PLB1: variants seen among roughly 807,000 people sequenced by gnomAD.
The protein encoded by PLB1 is phospholipase B1, membrane-associated.
Under a neutral mutation model 227.4 loss-of-function variants are expected in PLB1, and 242 were observed. The ratio of observed to expected loss-of-function variants is 1.06; its 90% CI spans 0.96 to 1.18. The LOEUF is 1.18. Ranked by LOEUF, PLB1 falls within the 50% of genes most tolerant of loss-of-function variation. The pLI is 0.00. For missense variants in PLB1, 1,858 were observed against 1,816.3 expected (o/e 1.02, Z -0.42); for synonymous variants, 757 against 682.2 (o/e 1.11, Z -1.71).
chr2:28,573,286 G>A lies in PLB1; in HGVS notation c.1414G>A (p.Val472Met), dbSNP rs746082464. ...TCCTAATGCCTTCTTAAACCAGGCT[G>A]TGGCAGGAGGCCGAGCTGAGTAAGC... ...TSPNAFLNQAVAGGRAEDLPV... is the reference protein window; with the variant it reads ...TSPNAFLNQAMAGGRAEDLPV... The change falls in exon 21 of 58, where the codon GTG becomes ATG. Residue 472 changes from valine to methionine, a missense_variant. Coordinates refer to ENST00000327757, the MANE Select transcript of PLB1 (RefSeq NM_153021.5). 4 of 1,613,640 alleles carry A rather than the reference G, an allele frequency of 2.5e-6. No individual in the cohort carries two copies. Among genetic ancestry groups the A allele is most frequent in the Admixed American group, 1.7e-5 (1 of 60,010 alleles).
intron 12 of PLB1, among the ~76,000 whole-genome samples, chr2:28,541,182 A>T (rs141186858): frequency 8.3e-5 from 3 of 36,044 alleles, no homozygotes; most frequent in Non-Finnish European, 2.3e-4. Flanking sequence ...AAAAATAAAT[A>T]AATTAAATAA....
chr2:28,590,063 C>T lies in PLB1; in HGVS notation c.2075C>T (p.Thr692Ile). The change falls in exon 29 of 58, where the codon ACA (threonine) becomes ATA (isoleucine). Residue 692 changes from threonine to isoleucine, a missense_variant. By Grantham distance (89) the Thr-to-Ile change is moderately conservative. Coordinates refer to ENST00000327757, the MANE Select transcript of PLB1 (RefSeq NM_153021.5). ...AAGTTTGAAAACAAGATCAATATCA[C>T]ATGTCCGAACCAGGTAGAGTGGAAA... ...RHKFENKINI[T>I]CPNQVQPFLR... 1 of 1,612,550 alleles carries T rather than the reference C, an allele frequency of 6.2e-7. No homozygotes were observed. The highest frequency in any genetic ancestry group is 8.5e-7 in the Non-Finnish European group (1 of 1,178,544).
At position 28,507,347 on chromosome 2, in the gene PLB1, C is replaced by T. The variant is rs1246416107; in HGVS notation, c.56-9461C>T. Among the ~76,000 whole-genome samples the T allele has an allele frequency of 2.6e-5, 4 of 152,118 alleles. No homozygotes were observed. In the East Asian group the frequency reaches 5.8e-4, roughly 22 times the overall value. ...TCATGGTTCTGGAGGCTGGGAAGTA[C>T]AAGATTGAGGGGCTGGCATCTGGTG... On this transcript the variant is annotated intron_variant, in intron 1 of 57. Transcript: ENST00000327757.
At chr2:28,562,686 C>A (rs1676256510) in intron 17 of PLB1, among the ~76,000 whole-genome samples, 2 of 151,954 alleles carry the variant, frequency 1.3e-5, no homozygotes, top group Admixed American at 1.3e-4. Context: ...ATTTCCATGG[C>A]AATTTCTTCC....
intron 8 of PLB1, among the ~76,000 whole-genome samples, chr2:28,531,001 G>A (rs1012817726): frequency 2.0e-5 from 3 of 152,198 alleles, no homozygotes; most frequent in East Asian, 1.9e-4. Context: ...AAGTTCACAC[G>A]GCTAATTAGA....
intron 51 of PLB1, 84 bp downstream of exon 51, chr2:28,626,592 TGCCCC>T: frequency 8.3e-7 from 1 of 1,207,112 alleles, no homozygotes; most frequent in South Asian, 1.2e-5. Context: ...TCCCTGGCCC[TGCCCC>T]GAGCTCCTTG....
Position 28,548,584 on chromosome 2 carries a change from TC to T in PLB1, c.937-275del, listed in dbSNP as rs1431098956. ...AGGAGAGGTAGACTAGGAAGTCCCT[TC>T]TATATATATATATATAAAACCGATG... is the stretch of plus-strand genomic sequence containing the variant. On this transcript the variant is annotated intron_variant, in intron 14 of 57. Transcript: ENST00000327757. 1.1e-5 allele frequency: 4 copies of T among 364,698 alleles called. No homozygotes were observed. In the East Asian group the frequency reaches 2.2e-4, roughly 20 times the overall value. 22.6% of individuals were successfully genotyped at this position (364,698 alleles called of 1,614,324 possible). A position where few individuals can be genotyped will look rare whatever the true frequency, so the allele number is the denominator to read the frequency against.
intron 57 of PLB1, 102 bp downstream of exon 57, chr2:28,641,103 A>G (rs1689925050): frequency 3.0e-5 from 33 of 1,087,266 alleles, no homozygotes; most frequent in Non-Finnish European, 4.2e-5. Flanking sequence ...GCTCCCTCAA[A>G]TGCGGCTTCA....
chr2:28,507,904 C>T (rs761459640), intron 1 of PLB1, among the ~76,000 whole-genome samples: 2 of 152,068 alleles, frequency 1.3e-5, no homozygotes, highest in Non-Finnish European at 2.9e-5. Context: ...CAAGCCATCT[C>T]GAATGTTTTT....
intron 47 of PLB1, 84 bp downstream of exon 47, chr2:28,620,416 G>T (rs1034314480): frequency 7.1e-7 from 1 of 1,407,502 alleles, no homozygotes; most frequent in African/African-American, 1.4e-5. Context: ...CCCCTCCAGG[G>T]ATGCAGTTGG....
At position 28,534,863 on chromosome 2, in the gene PLB1, T is replaced by C. The variant is rs559451872; in HGVS notation, c.555+2669T>C. 5.6e-4 allele frequency among the ~76,000 whole-genome samples: 48 copies of C among 86,218 alleles called. 1 individual carries two copies. Among genetic ancestry groups the C allele is most frequent in the African/African-American group, 1.6e-3 (46 of 29,664 alleles). 56.6% of individuals were successfully genotyped at this position (86,218 alleles called of 152,430 possible). Reference sequence around the variant, plus strand: ...AGAGAGACTCTGTCTCAAAAGAAAATAAAAAAAAAAGAAAAGAAAAAAACA... The same window carrying C: ...AGAGAGACTCTGTCTCAAAAGAAAACAAAAAAAAAAGAAAAGAAAAAAACA... On this transcript the variant is annotated intron_variant, in intron 9 of 57. Coordinates refer to ENST00000327757, the MANE Select transcript of PLB1 (RefSeq NM_153021.5).
chr2:28,640,860 A>T, intron 56 of PLB1, 67 bp from the exon 57 acceptor site: 1 of 1,484,652 alleles, frequency 6.7e-7, no homozygotes, highest in South Asian at 1.2e-5. Flanking sequence ...GGTGTGAGAC[A>T]CCCCCTCAGA....
chr2:28,540,667 G>A (rs1013388237), intron 12 of PLB1, among the ~76,000 whole-genome samples: 3 of 152,174 alleles, frequency 2.0e-5, no homozygotes, highest in East Asian at 1.9e-4. Flanking sequence ...GTAGGGGTGC[G>A]AGTTGGGGGA....
intron 23 of PLB1, among the ~76,000 whole-genome samples, chr2:28,580,738 G>A (rs1157712063): frequency 6.6e-6 from 1 of 151,666 alleles, no homozygotes; most frequent in Non-Finnish European, 1.5e-5. Context: ...CAAAGTTGCT[G>A]TGGGACCCTG....
intron 1 of PLB1, among the ~76,000 whole-genome samples, chr2:28,510,625 CTT>C (rs11396456): frequency 1.7e-5 from 2 of 118,050 alleles, no homozygotes; most frequent in Admixed American, 1.0e-4. Context: ...TTTTCTCTCT[CTT>C]TTTTTTTTTT....
intron 46 of PLB1, 147 bp downstream of exon 46, chr2:28,618,546 C>A: frequency 2.5e-6 from 2 of 786,246 alleles, no homozygotes; most frequent in South Asian, 1.7e-5. Context: ...GAAACACAGC[C>A]AGGAGATGTA....
intron 17 of PLB1, among the ~76,000 whole-genome samples, chr2:28,561,426 A>G (rs1179571807): frequency 4.6e-5 from 7 of 152,280 alleles, no homozygotes; most frequent in Non-Finnish European, 1.0e-4. Flanking sequence ...TCTCAGGTGT[A>G]TACCAAAATA....
intron 22 of PLB1, 140 bp downstream of exon 22, chr2:28,578,298 G>A: frequency 5.0e-6 from 4 of 798,082 alleles, no homozygotes; most frequent in Non-Finnish European, 8.5e-6. Context: ...TCTCTGGAAA[G>A]GGGATTCCTA....
intron 26 of PLB1, among the ~76,000 whole-genome samples, chr2:28,588,461 T>C (rs1402084298): frequency 2.0e-5 from 3 of 152,172 alleles, no homozygotes; most frequent in Non-Finnish European, 2.9e-5. Flanking sequence ...CATGAGACAT[T>C]CCTGGCCTGG....
Sources: gnomAD v4.1 joint callset for allele counts (sites outside exome capture counted in the v4.1 genomes callset) on GRCh38, gnomAD v4.1.1 for gene constraint, MANE v1.5 for transcripts, NCBI Gene and HGNC (gene_info 2026-07-23, HGNC 2026-07-21) for gene names.